RAD51B: variants seen among roughly 807,000 people sequenced by gnomAD.
RAD51B encodes DNA repair protein RAD51 homolog 2.
In RAD51B, 38 loss-of-function variants were observed where a neutral mutation model predicts 42.2. That is an observed-to-expected ratio of 0.90 (90% CI 0.70 to 1.18). The LOEUF (loss-of-function observed/expected upper bound fraction) is 1.18, where lower values mean the gene tolerates loss of function less well. Ranked by LOEUF, RAD51B falls within the 50% of genes most tolerant of loss-of-function variation. The pLI, the probability that RAD51B is intolerant of heterozygous loss-of-function variation, is 0.00. For synonymous variants in RAD51B, 154 were observed against 145.2 expected, an observed-to-expected ratio of 1.06 and a Z score of -0.43; for missense variants, 373 against 400.7, an observed-to-expected ratio of 0.93 and a Z score of 0.59.
At chr14:68,370,854 G>A (rs1339168267) in intron 8 of RAD51B, among the ~76,000 whole-genome samples, 2 of 150,770 alleles carry the variant, frequency 1.3e-5, no homozygotes, top group East Asian at 2.0e-4. Flanking sequence ...CCAATATGGT[G>A]AAACCCCATC....
At chr14:68,603,020 A>G (rs778894149) in intron 10 of RAD51B, among the ~76,000 whole-genome samples, 6 of 152,210 alleles carry the variant, frequency 3.9e-5, no homozygotes, top group Middle Eastern at 3.2e-3. Context: ...ACTCTGCTCA[A>G]TGCAGCAAAC....
intron 8 of RAD51B, among the ~76,000 whole-genome samples, chr14:68,349,494 G>A (rs2082740159): frequency 6.6e-6 from 1 of 152,112 alleles, no homozygotes; most frequent in Non-Finnish European, 1.5e-5. Context: ...ACCCTCTCTA[G>A]AAGCTGGGAT....
chr14:68,448,073 G>C (rs1454993748), intron 9 of RAD51B, among the ~76,000 whole-genome samples: 1 of 152,204 alleles, frequency 6.6e-6, no homozygotes, highest in Non-Finnish European at 1.5e-5. Flanking sequence ...GGTGAGGGCT[G>C]AGCCTGGAGC....
intron 7 of RAD51B, among the ~76,000 whole-genome samples, chr14:68,201,459 C>T (rs1255274632): frequency 6.6e-6 from 1 of 152,194 alleles, no homozygotes; most frequent in Non-Finnish European, 1.5e-5. Flanking sequence ...CTTGTGCTTT[C>T]ATCAAACATT....
chr14:68,591,954 G>T (rs905157866), intron 10 of RAD51B, among the ~76,000 whole-genome samples: 23 of 152,122 alleles, frequency 1.5e-4, no homozygotes, highest in African/African-American at 5.1e-4. Flanking sequence ...CACCACCTAG[G>T]ACTGTGTGGA....
At chr14:67,969,166 A>G (rs1484563787) in intron 7 of RAD51B, among the ~76,000 whole-genome samples, 2 of 152,144 alleles carry the variant, frequency 1.3e-5, no homozygotes, top group Non-Finnish European at 2.9e-5. Context: ...AACGTGTAGG[A>G]ATTATGGGAG....
At chr14:68,131,906 T>TG (rs2077900266) in intron 7 of RAD51B, among the ~76,000 whole-genome samples, 1 of 152,162 alleles carries the variant, frequency 6.6e-6, no homozygotes, top group Non-Finnish European at 1.5e-5. Flanking sequence ...GAGAAAACTT[T>TG]GGGGATATGT....
At chr14:67,862,419 CAA>C (rs753212601) in intron 4 of RAD51B, among the ~76,000 whole-genome samples, 23 of 117,044 alleles carry the variant, frequency 2.0e-4, no homozygotes, top group Non-Finnish European at 2.4e-4. Context: ...TAAATGTAAG[CAA>C]AAAAAAAAAA....
rs536282894 is a variant in RAD51B, at chr14:68,051,967, G to A, written c.756+164763G>A. On this transcript the variant is annotated intron_variant, in intron 7 of 10. Transcript: ENST00000471583. ...CTAGCTTTCAAAACTAAGAAGAAAA[G>A]AAGAACACTCCCTTGAGGTTTAAGG... 3.9e-5 allele frequency among the ~76,000 whole-genome samples: 6 copies of A among 152,104 alleles called. No homozygotes were observed. In the East Asian group the frequency reaches 1.2e-3, roughly 29 times the overall value.
chr14:68,023,836 TCTTTA>T, intron 7 of RAD51B, among the ~76,000 whole-genome samples: 1 of 152,340 alleles, frequency 6.6e-6, no homozygotes, highest in Non-Finnish European at 1.5e-5. Flanking sequence ...GTGTGGAAGT[TCTTTA>T]CTTTAATTAG....
At chr14:68,599,799 C>G (rs1450389338), downstream of RAD51B, among the ~76,000 whole-genome samples, 3 of 152,208 alleles carry the variant, frequency 2.0e-5, no homozygotes, top group Non-Finnish European at 4.4e-5. Flanking sequence ...AAGGAAAAGA[C>G]AGAAATTCTG....
At chr14:68,208,803 A>G (rs1555373882) in intron 7 of RAD51B, among the ~76,000 whole-genome samples, 2 of 152,176 alleles carry the variant, frequency 1.3e-5, no homozygotes, top group Non-Finnish European at 2.9e-5. Context: ...AGTAAAACTC[A>G]TTGGGGTTAT....
At chr14:68,017,726 A>G (rs1161875256) in intron 7 of RAD51B, among the ~76,000 whole-genome samples, 1 of 151,994 alleles carries the variant, frequency 6.6e-6, no homozygotes, top group Non-Finnish European at 1.5e-5. Context: ...TAATCTCAGC[A>G]CTTTGGGAGG....
chr14:68,334,849 TATATC>T (rs1226605094), intron 8 of RAD51B, among the ~76,000 whole-genome samples: 35 of 149,116 alleles, frequency 2.3e-4, no homozygotes, highest in East Asian at 5.8e-4. Flanking sequence ...ATAGGATAGA[TATATC>T]ATATATTTTA....
At chr14:68,374,637 T>C (rs2083329267) in intron 8 of RAD51B, among the ~76,000 whole-genome samples, 1 of 151,802 alleles carries the variant, frequency 6.6e-6, no homozygotes. Flanking sequence ...ATAAATCTGG[T>C]ACTTAATCAT....
intron 8 of RAD51B, among the ~76,000 whole-genome samples, chr14:68,325,010 G>A (rs1164201448): frequency 2.6e-5 from 4 of 152,302 alleles, no homozygotes; most frequent in Non-Finnish European, 5.9e-5. Flanking sequence ...GCTCCTCAAC[G>A]AGTATGTTTT....
chr14:68,189,308 C>T lies in RAD51B; in HGVS notation c.757-102576C>T, dbSNP rs191141242. On this transcript the variant is annotated intron_variant, in intron 7 of 10. Coordinates refer to ENST00000471583, the MANE Select transcript of RAD51B (RefSeq NM_133510.4). Reference sequence around the variant, plus strand: ...TACTCAATAAGTACTTGAATATGAGCGACCACTACATAATTTCCTCAGTTC... The same window carrying T: ...TACTCAATAAGTACTTGAATATGAGTGACCACTACATAATTTCCTCAGTTC... 1.9e-3 allele frequency among the ~76,000 whole-genome samples: 282 copies of T among 152,092 alleles called. 3 individuals are homozygous for T. Among genetic ancestry groups the T allele is most frequent in the African/African-American group, 6.5e-3 (270 of 41,494 alleles).
chr14:68,447,733 T>C (rs1309070167), intron 9 of RAD51B, among the ~76,000 whole-genome samples: 1 of 146,326 alleles, frequency 6.8e-6, no homozygotes, highest in Non-Finnish European at 1.5e-5. Context: ...ATCCATGACC[T>C]TTTTTTTTTT....
chr14:67,865,141 T>C lies in RAD51B; in HGVS notation c.452+2T>C, dbSNP rs1464701988. 6.3e-7 allele frequency: 1 copy of C among 1,587,544 alleles called. No individual in the cohort carries two copies. Among genetic ancestry groups the C allele is most frequent in the Non-Finnish European group, 8.6e-7 (1 of 1,168,940 alleles). On this transcript the variant is annotated splice_donor_variant, in intron 5 of 10. Coordinates refer to ENST00000471583, the MANE Select transcript of RAD51B (RefSeq NM_133510.4). LOFTEE classifies it high-confidence loss of function. ...AGAGTCTGCATTTAGTGCTGAAAGG[T>C]ATGAGATTTTATTTTCTATTATAAT...
Sources: allele counts gnomAD v4.1 joint callset (sites outside exome capture counted in the v4.1 genomes callset), GRCh38; gene constraint gnomAD v4.1.1; transcripts MANE v1.5; gene names NCBI Gene and HGNC (gene_info 2026-07-23, HGNC 2026-07-21).